ABCC11: variants seen among roughly 807,000 people sequenced by gnomAD.
The protein encoded by ABCC11 is ATP-binding cassette sub-family C member 11.
In ABCC11, 135 loss-of-function variants were observed where a neutral mutation model predicts 149.3. The observed-to-expected ratio is 0.90, with a 90% CI of 0.79 to 1.04. The LOEUF is 1.04. Ranked by LOEUF, ABCC11 falls within the 50% of genes least tolerant of loss-of-function variation. The pLI is 0.00. For synonymous variants in ABCC11, 665 were observed against 671.4 expected (o/e 0.99, Z 0.15); for missense variants, 1,680 against 1,722.1 (o/e 0.98, Z 0.43).
chr16:48,203,406 A>T (rs1462319401), intron 13 of ABCC11, 106 bp from the exon 14 acceptor site: 5 of 1,061,688 alleles, frequency 4.7e-6, no homozygotes, highest in Non-Finnish European at 6.9e-6. Flanking sequence ...AGAAATTTAG[A>T]CTTGATGGTG....
intron 3 of ABCC11, among the ~76,000 whole-genome samples, chr16:48,228,668 C>T (rs1242882511): frequency 6.6e-6 from 1 of 151,956 alleles, no homozygotes; most frequent in African/African-American, 2.4e-5. Context: ...GCAGACAAAA[C>T]AGTATGTACA....
chr16:48,222,873 CAG>C (rs762894143), intron 5 of ABCC11, 42 bp from the exon 6 acceptor site: 1 of 1,514,258 alleles, frequency 6.6e-7, no homozygotes, highest in East Asian at 2.3e-5. Context: ...ACCACCCTGC[CAG>C]ACACGTTTGA....
chr16:48,210,073 G>A (rs757539205), intron 11 of ABCC11: 1 of 152,210 alleles, frequency 6.6e-6, no homozygotes, highest in Non-Finnish European at 1.5e-5. Flanking sequence ...GGGAGGGAAG[G>A]AAAGGAATCA....
At chr16:48,238,955 A>C (rs1245819149) in intron 1 of ABCC11, among the ~76,000 whole-genome samples, 3 of 151,054 alleles carry the variant, frequency 2.0e-5, no homozygotes, top group African/African-American at 4.8e-5. Flanking sequence ...AAAAAAAAAA[A>C]AAAACCATAA....
intron 18 of ABCC11, 130 bp downstream of exon 18, chr16:48,196,102 G>T (rs1436598751): frequency 4.6e-6 from 4 of 876,274 alleles, no homozygotes; most frequent in Non-Finnish European, 6.9e-6. Flanking sequence ...GGTTTTGCAA[G>T]TTAGGCCAAT....
Position 48,170,137 on chromosome 16 carries a change from A to G in ABCC11, c.3859T>C (p.Cys1287Arg). 6.2e-7 allele frequency: 1 copy of G among 1,614,132 alleles called. No homozygotes were observed. The highest frequency in any genetic ancestry group is 8.5e-7 in the Non-Finnish European group (1 of 1,179,968). The change falls in exon 28 of 30, where the codon TGC becomes CGC. Residue 1287 changes from cysteine (C) to arginine (R), a missense_variant. Physicochemically the swap from Cys to Arg is radical, Grantham distance 180. Transcript: ENST00000356608. ...TTGCGAAGCACAGCCCTGGCAATGCAGAGCAGCTGCCTCTCCCCCACAGAG... is the reference window on the plus strand; with the variant it reads ...TTGCGAAGCACAGCCCTGGCAATGCGGAGCAGCTGCCTCTCCCCCACAGAG... ...NFSVGERQLLCIARAVLRNSK... is the reference protein window; with the variant it reads ...NFSVGERQLLRIARAVLRNSK...
intron 6 of ABCC11, among the ~76,000 whole-genome samples, chr16:48,220,415 C>T (rs1266590484): frequency 1.3e-5 from 2 of 152,186 alleles, no homozygotes; most frequent in Non-Finnish European, 2.9e-5. Context: ...TGACTTGGAG[C>T]AACGTATGGC....
At chr16:48,177,240 C>T (rs111327948) in intron 24 of ABCC11, 127 bp from the exon 25 acceptor site, 3 of 914,504 alleles carry the variant, frequency 3.3e-6, no homozygotes, top group Non-Finnish European at 4.8e-6. Flanking sequence ...CAAGGTCAAG[C>T]CCCCTGCTGT....
intron 6 of ABCC11, among the ~76,000 whole-genome samples, chr16:48,217,770 C>T (rs971725703): frequency 4.6e-5 from 7 of 152,170 alleles, no homozygotes; most frequent in Non-Finnish European, 8.8e-5. Context: ...GCCTTTAAAA[C>T]ATTTAAAAGT....
intron 14 of ABCC11, among the ~76,000 whole-genome samples, chr16:48,201,395 C>G (rs1967956981): frequency 6.6e-6 from 1 of 152,148 alleles, no homozygotes; most frequent in South Asian, 2.1e-4. Context: ...ATTCTCCCAT[C>G]TCAGCCTCCT....
Position 48,178,798 on chromosome 16 carries a change from A to G in ABCC11, c.3259-112T>C, listed in dbSNP as rs1966253158. On this transcript the variant is annotated intron_variant, in intron 23 of 29. Coordinates refer to ENST00000356608, the MANE Select transcript of ABCC11 (RefSeq NM_001370497.1). ...TTGCCCCTGAGTGACCCCTGAAACT[A>G]AGATAATTTTCCTAGCAAGAATGGA... The G allele has an allele frequency of 7.7e-6, 7 of 908,294 alleles. No individual in the cohort carries two copies. In the East Asian group the frequency reaches 1.8e-4, roughly 23 times the overall value. The allele number at this position is 908,294 out of a possible 1,614,324, so 56.3% of individuals were successfully genotyped here.
In ABCC11 at chr16:48,231,979, G is replaced by A. The variant is rs567546346; in HGVS notation, c.-18-40C>T. ...ATCAGAGAATATGAAAAGACAGCAG[G>A]AGTTAGAAGAAGCTTAGATCTCGCC... On this transcript the variant is annotated intron_variant, in intron 1 of 29. Coordinates refer to ENST00000356608, the MANE Select transcript of ABCC11 (RefSeq NM_001370497.1). 1.6e-5 allele frequency: 25 copies of A among 1,611,280 alleles called. No individual in the cohort carries two copies. In the East Asian group the frequency reaches 4.5e-4, roughly 29 times the overall value.
chr16:48,223,953 G>T (rs1405738903), intron 5 of ABCC11, among the ~76,000 whole-genome samples: 8 of 152,048 alleles, frequency 5.3e-5, no homozygotes, highest in Non-Finnish European at 1.0e-4. Context: ...ACATGCAAGG[G>T]TTTCCATAAG....
chr16:48,187,567 T>A, intron 20 of ABCC11, 140 bp from the exon 21 acceptor site: 1 of 699,042 alleles, frequency 1.4e-6, no homozygotes, highest in African/African-American at 1.8e-5. Context: ...AGCAATGATT[T>A]AAAAGCATGG....
Position 48,216,293 on chromosome 16 carries a change from A to G in ABCC11, c.778-6T>C. On this transcript the variant is annotated splice_polypyrimidine_tract_variant and splice_region_variant and intron_variant, in intron 6 of 29. Transcript: ENST00000356608. ...CCGGTGAAGAAGCTGATGGCCTGCA[A>G]GACAGCAAGTTGATGGGCACAGATG... is the stretch of plus-strand genomic sequence containing the variant. 1.9e-6 allele frequency: 3 copies of G among 1,612,068 alleles called. No individual in the cohort carries two copies. Among genetic ancestry groups the G allele is most frequent in the Middle Eastern group, 2.0e-4 (1 of 5,106 alleles).
intron 1 of ABCC11, among the ~76,000 whole-genome samples, chr16:48,233,628 G>A (rs1970540106): frequency 6.6e-6 from 1 of 152,238 alleles, no homozygotes. Context: ...AGGCCCTGTG[G>A]ATGGGGCCAC....
At chr16:48,177,161 G>A (rs1313626537) in intron 24 of ABCC11, 48 bp from the exon 25 acceptor site, 24 of 1,565,444 alleles carry the variant, frequency 1.5e-5, no homozygotes, top group South Asian at 4.9e-5. Flanking sequence ...CATCTATCTC[G>A]GCCCATCCCC....
At chr16:48,246,649 C>T (rs1971404161) in intron 1 of ABCC11, among the ~76,000 whole-genome samples, 1 of 152,156 alleles carries the variant, frequency 6.6e-6, no homozygotes, top group Non-Finnish European at 1.5e-5. Context: ...TAGCCCACCG[C>T]AACCTTGATT....
At position 48,175,347 on chromosome 16, in the gene ABCC11, G is replaced by A. The variant is rs773777352; in HGVS notation, c.3609C>T (p.Gly1203=). The part of the protein sequence containing the change: ...EPMAGRILID[G]VDICSIGLED... ...CCAGGCCGATGCTGCAAATGTCCAC[G>A]CCGTCAATGAGAATCCGGCCTGCCA... The change falls in exon 26 of 30, where the codon GGC becomes GGT. Residue 1203 remains glycine (G), a synonymous_variant. Coordinates refer to ENST00000356608, the MANE Select transcript of ABCC11 (RefSeq NM_001370497.1). The A allele has an allele frequency of 5.6e-6, 9 of 1,614,030 alleles. No individual in the cohort carries two copies. The African/African-American group carries it at 6.7e-5, about 12-fold the overall frequency.
Sources: gnomAD v4.1 joint callset for allele counts (sites outside exome capture counted in the v4.1 genomes callset) on GRCh38, gnomAD v4.1.1 for gene constraint, MANE v1.5 for transcripts, NCBI Gene and HGNC (gene_info 2026-07-23, HGNC 2026-07-21) for gene names.